The following ATP5PF variants were observed in gnomAD, a reference collection of about 807,000 sequenced individuals.
ATP5PF encodes ATP synthase peripheral stalk subunit F6, mitochondrial.
Under a neutral mutation model 12.0 loss-of-function variants are expected in ATP5PF, and 7 were observed. The ratio of observed to expected loss-of-function variants is 0.58; its 90% CI spans 0.33 to 1.10. The LOEUF (loss-of-function observed/expected upper bound fraction) is 1.10, where lower values mean the gene tolerates loss of function less well. ATP5PF is among the 50% of genes least tolerant of loss of function. The pLI is 0.03. For synonymous variants in ATP5PF, 41 were observed against 45.4 expected, an observed-to-expected ratio of 0.90 and a Z score of 0.39; for missense variants, 120 against 127.7, an observed-to-expected ratio of 0.94 and a Z score of 0.29.
intron 3 of ATP5PF, 38 bp from the exon 4 acceptor site, chr21:25,724,715 A>G: frequency 6.3e-7 from 1 of 1,579,296 alleles, no homozygotes; most frequent in East Asian, 2.3e-5. Context: ...GCTTAGCCAA[A>G]TTGCAATAAA....
chr21:25,726,023 C>T lies in ATP5PF; in HGVS notation c.165-673G>A, dbSNP rs542757509. On this transcript the variant is annotated intron_variant, in intron 2 of 3. Transcript: ENST00000284971. ...TGTAAGTTCAACTATTCAGCAACTGCGTAAACCTGAGTAAGGCACAGAGCA... is the reference window on the plus strand; with the variant it reads ...TGTAAGTTCAACTATTCAGCAACTGTGTAAACCTGAGTAAGGCACAGAGCA... Among the ~76,000 whole-genome samples, 207 of 152,264 alleles carry T rather than the reference C, an allele frequency of 1.4e-3. 11 individuals carry two copies. In the South Asian group the frequency reaches 0.041, roughly 30 times the overall value.
At chr21:25,726,296 A>G (rs561081970) in intron 2 of ATP5PF, among the ~76,000 whole-genome samples, 2 of 152,228 alleles carry the variant, frequency 1.3e-5, no homozygotes, top group Non-Finnish European at 2.9e-5. Context: ...AATTTCGAAG[A>G]AAAAAATTAC....
intron 1 of ATP5PF, among the ~76,000 whole-genome samples, chr21:25,733,382 T>C (rs2034860555): frequency 1.3e-5 from 2 of 151,964 alleles, no homozygotes; most frequent in Non-Finnish European, 2.9e-5. Context: ...TACAAAAAAT[T>C]AGCCAGGCGT....
intron 3 of ATP5PF, 50 bp downstream of exon 3, chr21:25,725,176 A>G: frequency 6.4e-7 from 1 of 1,568,216 alleles, no homozygotes; most frequent in Non-Finnish European, 8.6e-7. Flanking sequence ...AAGTGTAAAT[A>G]TTCTTCACTT....
At chr21:25,735,058 G>A, upstream of ATP5PF, 3 of 1,199,048 alleles carry the variant, frequency 2.5e-6, no homozygotes, top group South Asian at 1.3e-5. Flanking sequence ...CAAACAGGAG[G>A]AGGAAGTGGA....
At chr21:25,729,870 G>A (rs2034714499) in intron 1 of ATP5PF, 69 bp from the exon 2 acceptor site, 2 of 1,484,680 alleles carry the variant, frequency 1.3e-6, no homozygotes, top group Middle Eastern at 1.9e-4. Flanking sequence ...TATATCATGA[G>A]AATCAAATTC....
At chr21:25,727,008 A>G (rs2034636071) in intron 2 of ATP5PF, among the ~76,000 whole-genome samples, 1 of 152,262 alleles carries the variant, frequency 6.6e-6, no homozygotes, top group Non-Finnish European at 1.5e-5. Context: ...TTGTGATGTT[A>G]GAAACGCTCT....
rs143943320 is a variant in ATP5PF, at chr21:25,725,724, C to T, written c.165-374G>A. 5.9e-4 allele frequency among the ~76,000 whole-genome samples: 90 copies of T among 152,352 alleles called. No individual in the cohort carries two copies. In the East Asian group the frequency reaches 0.015, roughly 25 times the overall value. On this transcript the variant is annotated intron_variant, in intron 2 of 3. Coordinates refer to ENST00000284971, the MANE Select transcript of ATP5PF (RefSeq NM_001003703.2). ...TAAGTGCTCGGATTACAGGCGTGAG[C>T]CACCACACCCGGCCAATAGACCTTT...
Position 25,724,559 on chromosome 21 carries a change from A to C in ATP5PF, c.*81T>G. On this transcript the variant is annotated 3_prime_UTR_variant, in exon 4 of 4. Coordinates refer to ENST00000284971, the MANE Select transcript of ATP5PF (RefSeq NM_001003703.2). ...TTAAAAGAACATTTGACAGTTATGA[A>C]ATGCATGTTTATTCTGAAACTTCTA... The C allele has an allele frequency of 7.1e-7, 1 of 1,412,486 alleles. No homozygotes were observed. The highest frequency in any genetic ancestry group is 9.9e-7 in the Non-Finnish European group (1 of 1,013,132). 87.5% of individuals were successfully genotyped at this position (1,412,486 alleles called of 1,614,324 possible).
chr21:25,724,813 T>C (rs1011107977), intron 3 of ATP5PF, 136 bp from the exon 4 acceptor site: 11 of 857,236 alleles, frequency 1.3e-5, no homozygotes, highest in Admixed American at 3.1e-5. Context: ...CATAGAAATA[T>C]AGCTAAACAT....
chr21:25,735,191 C>T, upstream of ATP5PF: 2 of 599,874 alleles, frequency 3.3e-6, no homozygotes, highest in Non-Finnish European at 3.0e-6. Context: ...AGTGGCCTTT[C>T]CCCTAGTTCA....
chr21:25,735,198 T>C (rs1312172439), upstream of ATP5PF: 2 of 597,140 alleles, frequency 3.3e-6, no homozygotes, highest in African/African-American at 3.7e-5. Flanking sequence ...TTTCCCCTAG[T>C]TCAAGCTCCC....
intron 2 of ATP5PF, among the ~76,000 whole-genome samples, chr21:25,729,364 T>C (rs1260705450): frequency 6.6e-6 from 1 of 152,256 alleles, no homozygotes; most frequent in Non-Finnish European, 1.5e-5. Context: ...ATGTGGTTTA[T>C]AATACATGAC....
At chr21:25,724,755 C>T in intron 3 of ATP5PF, 78 bp from the exon 4 acceptor site, 1 of 1,436,374 alleles carries the variant, frequency 7.0e-7, no homozygotes, top group Non-Finnish European at 9.5e-7. Context: ...CAAGATTTAA[C>T]TCATCAATTT....
intron 1 of ATP5PF, among the ~76,000 whole-genome samples, chr21:25,733,058 A>G (rs887891681): frequency 2.0e-5 from 3 of 151,754 alleles, no homozygotes; most frequent in Admixed American, 6.6e-5. Context: ...TTCACCTGAC[A>G]GAATGAAAGC....
chr21:25,729,512 G>T, intron 2 of ATP5PF, 119 bp downstream of exon 2: 2 of 906,870 alleles, frequency 2.2e-6, no homozygotes, highest in East Asian at 2.7e-5. Context: ...GAACCTCTAT[G>T]TCAGAGATGA....
intron 2 of ATP5PF, 110 bp downstream of exon 2, chr21:25,729,521 G>A (rs2034701613): frequency 1.0e-6 from 1 of 968,372 alleles, no homozygotes; most frequent in African/African-American, 1.6e-5. Flanking sequence ...TGTCAGAGAT[G>A]AGCTCAGTGA....
intron 1 of ATP5PF, among the ~76,000 whole-genome samples, chr21:25,730,761 A>C (rs1355648524): frequency 2.1e-5 from 3 of 140,366 alleles, no homozygotes; most frequent in Admixed American, 2.1e-4. Context: ...AAAAAAAAAA[A>C]AAAAAAAAAA....
At chr21:25,730,736 C>CACAAAAAAAAAAAAAAAAA (rs1219090743) in intron 1 of ATP5PF, among the ~76,000 whole-genome samples, 5 of 31,882 alleles carry the variant, frequency 1.6e-4, no homozygotes, top group Non-Finnish European at 3.5e-4. Context: ...CTCCGTCTCA[C>CACAAAAAAAAAAAAAAAAA]AAAAAAAAAA....
Sources: gnomAD v4.1 joint callset for allele counts (sites outside exome capture counted in the v4.1 genomes callset) on GRCh38, gnomAD v4.1.1 for gene constraint, MANE v1.5 for transcripts, NCBI Gene and HGNC (gene_info 2026-07-23, HGNC 2026-07-21) for gene names.